DPYD: variants seen among roughly 807,000 people sequenced by gnomAD.
The protein encoded by DPYD is dihydropyrimidine dehydrogenase.
DPYD carries 109 observed loss-of-function variants against 116.2 expected under a neutral mutation model. That is an observed-to-expected ratio of 0.94 (90% CI 0.80 to 1.10). The LOEUF is 1.10. Ranked by LOEUF, DPYD falls within the 50% of genes least tolerant of loss-of-function variation. The probability of loss-of-function intolerance (pLI) is 0.00; values close to 1 mark genes in which losing one functional copy is unlikely to be tolerated. For missense variants in DPYD, 1,302 were observed against 1,254.5 expected, an observed-to-expected ratio of 1.04 and a Z score of -0.57; for synonymous variants, 440 against 432.0, an observed-to-expected ratio of 1.02 and a Z score of -0.23.
intron 8 of DPYD, among the ~76,000 whole-genome samples, chr1:97,614,216 G>T (rs189882740): frequency 6.6e-6 from 1 of 151,970 alleles, no homozygotes; most frequent in African/African-American, 2.4e-5. Context: ...AGGATAACCC[G>T]AGATTTTATT....
chr1:97,739,032 A>G (rs1032983464), intron 4 of DPYD, among the ~76,000 whole-genome samples: 3 of 152,130 alleles, frequency 2.0e-5, no homozygotes, highest in Admixed American at 6.6e-5. Flanking sequence ...ATAGTCCGTC[A>G]TAATTCTCAT....
intron 3 of DPYD, among the ~76,000 whole-genome samples, chr1:97,745,926 T>C (rs1198820916): frequency 6.6e-6 from 1 of 152,022 alleles, no homozygotes; most frequent in Non-Finnish European, 1.5e-5. Flanking sequence ...ATTTGAAGAC[T>C]GAGAAAAAAG....
At chr1:97,910,856 A>T (rs1673898432) in intron 1 of DPYD, among the ~76,000 whole-genome samples, 1 of 152,050 alleles carries the variant, frequency 6.6e-6, no homozygotes, top group African/African-American at 2.4e-5. Flanking sequence ...ATACATTAGC[A>T]TCTAGTTTTC....
chr1:97,417,020 G>T (rs1424208853), intron 14 of DPYD, among the ~76,000 whole-genome samples: 1 of 152,082 alleles, frequency 6.6e-6, no homozygotes, highest in African/African-American at 2.4e-5. Flanking sequence ...GGAGAAATAT[G>T]TTCCTTTTTA....
intron 1 of DPYD, among the ~76,000 whole-genome samples, 179 bp downstream of exon 1, chr1:97,920,705 T>C (rs1329653278): frequency 6.6e-6 from 1 of 152,162 alleles, no homozygotes; most frequent in East Asian, 1.9e-4. Flanking sequence ...GCTCCCCGCC[T>C]GCCCACGCGG....
intron 12 of DPYD, among the ~76,000 whole-genome samples, chr1:97,537,718 T>C (rs536268286): frequency 2.6e-5 from 4 of 152,294 alleles, no homozygotes; most frequent in South Asian, 4.1e-4. Flanking sequence ...TGAAAAGGCT[T>C]CCCTAAATGT....
At chr1:97,705,443 T>G (rs992515439) in intron 5 of DPYD, among the ~76,000 whole-genome samples, 15 of 152,206 alleles carry the variant, frequency 9.9e-5, no homozygotes, top group African/African-American at 2.9e-4. Flanking sequence ...TTCATCCATG[T>G]CCCTACAAAG....
At position 97,573,773 on chromosome 1, in the gene DPYD, C is replaced by T. The variant is rs750632457; in HGVS notation, c.1326G>A (p.Leu442=). 2 of 1,613,422 alleles carry T rather than the reference C, an allele frequency of 1.2e-6. No individual in the cohort carries two copies. The change falls in exon 11 of 23, where the codon CTG becomes CTA. Residue 442 remains leucine (L), a synonymous_variant. Coordinates refer to ENST00000370192, the MANE Select transcript of DPYD (RefSeq NM_000110.4). ...DVVISAFGSV[L]SDPKVKEALS... ...CCAGCACTGTACCTTTAGGATCACT[C>T]AGAACTGAACCAAAGGCACTGATGA...
chr1:97,503,098 T>G (rs1264091293), intron 13 of DPYD, among the ~76,000 whole-genome samples: 1 of 152,052 alleles, frequency 6.6e-6, no homozygotes, highest in Non-Finnish European at 1.5e-5. Flanking sequence ...ATATTGTGCC[T>G]CTCTAGCCTT....
intron 1 of DPYD, among the ~76,000 whole-genome samples, chr1:97,909,521 T>A (rs986451337): frequency 1.5e-4 from 23 of 152,236 alleles, no homozygotes; most frequent in Middle Eastern, 3.4e-3. Flanking sequence ...TTCTATTTTC[T>A]TCTCAAACCA....
intron 3 of DPYD, among the ~76,000 whole-genome samples, chr1:97,770,053 T>C (rs1020672742): frequency 1.3e-5 from 2 of 152,200 alleles, no homozygotes; most frequent in African/African-American, 4.8e-5. Context: ...ATGAAAGATC[T>C]GAGAGGAAGG....
chr1:97,610,980 T>C (rs1339258671), intron 8 of DPYD, among the ~76,000 whole-genome samples: 1 of 149,532 alleles, frequency 6.7e-6, no homozygotes, highest in Non-Finnish European at 1.5e-5. Context: ...TGTGTGTGTA[T>C]ATATATATGT....
At chr1:97,173,269 CAT>C (rs529192165) in intron 20 of DPYD, among the ~76,000 whole-genome samples, 28 of 146,446 alleles carry the variant, frequency 1.9e-4, no homozygotes, top group South Asian at 4.2e-4. Context: ...CACATATGTA[CAT>C]ATATATGCAC....
At chr1:97,749,289 A>G (rs1664737234) in intron 3 of DPYD, among the ~76,000 whole-genome samples, 1 of 152,210 alleles carries the variant, frequency 6.6e-6, no homozygotes, top group African/African-American at 2.4e-5. Context: ...GTGAAGAGTC[A>G]AAGAGTAATG....
chr1:97,329,049 G>A (rs937767876), intron 16 of DPYD, among the ~76,000 whole-genome samples: 7 of 152,252 alleles, frequency 4.6e-5, no homozygotes, highest in Middle Eastern at 3.4e-3. Flanking sequence ...AACAACTTCT[G>A]AATATTACTT....
chr1:97,287,362 G>T lies in DPYD; in HGVS notation c.2299+17897C>A, dbSNP rs574506325. 4.6e-3 allele frequency among the ~76,000 whole-genome samples: 695 copies of T among 152,298 alleles called. 2 individuals carry two copies. The highest frequency in any genetic ancestry group is 0.016 in the African/African-American group (664 of 41,574). On this transcript the variant is annotated intron_variant, in intron 18 of 22. Coordinates refer to ENST00000370192, the MANE Select transcript of DPYD (RefSeq NM_000110.4). ...CTGGGAGGTGCCTCCCAGTTAGGCT[G>T]CTCGGGGGTCAGGGGTCAGGCACCC...
chr1:97,582,148 G>T (rs1653732271), intron 10 of DPYD, among the ~76,000 whole-genome samples: 1 of 152,178 alleles, frequency 6.6e-6, no homozygotes, highest in African/African-American at 2.4e-5. Context: ...ATAACTATCT[G>T]AGTATAAATT....
At chr1:97,289,713 T>C (rs1044318128) in intron 18 of DPYD, among the ~76,000 whole-genome samples, 1 of 152,082 alleles carries the variant, frequency 6.6e-6, no homozygotes, top group African/African-American at 2.4e-5. Flanking sequence ...TATCTATGAC[T>C]AACCCACAGC....
chr1:97,366,036 T>C (rs764956312), intron 16 of DPYD, among the ~76,000 whole-genome samples: 1 of 152,198 alleles, frequency 6.6e-6, no homozygotes, highest in Admixed American at 6.5e-5. Context: ...ACGGTGTTGC[T>C]TTCAACTAAA....
Sources: gnomAD v4.1 joint callset for allele counts (sites outside exome capture counted in the v4.1 genomes callset) on GRCh38, gnomAD v4.1.1 for gene constraint, MANE v1.5 for transcripts, NCBI Gene and HGNC (gene_info 2026-07-23, HGNC 2026-07-21) for gene names.